Variants in ZNF578 observed in about 807,000 individuals in gnomAD.
ZNF578 encodes Putative chemokine-related protein B42.
A neutral mutation model predicts 8.3 loss-of-function variants in ZNF578; 8 were observed. That is an observed-to-expected ratio of 0.96 (90% CI 0.56 to 1.74). The LOEUF (loss-of-function observed/expected upper bound fraction) is 1.74. Among genes scored for constraint, ZNF578 ranks in the 40% most tolerant of loss-of-function variants. The probability of loss-of-function intolerance (pLI) is 0.00; values close to 1 mark genes in which losing one functional copy is unlikely to be tolerated. For missense variants in ZNF578, 726 were observed against 707.5 expected (o/e 1.03, Z -0.30); for synonymous variants, 206 against 232.2 (o/e 0.89, Z 1.03).
chr19:52,496,923 C>T (rs1417507674), intron 3 of ZNF578, among the ~76,000 whole-genome samples: 1 of 151,754 alleles, frequency 6.6e-6, no homozygotes. Flanking sequence ...AGGCATGAGC[C>T]GCCGCGCCCA....
intron 2 of ZNF578, among the ~76,000 whole-genome samples, chr19:52,488,272 C>T (rs1442439446): frequency 6.6e-6 from 1 of 151,678 alleles, no homozygotes; most frequent in Non-Finnish European, 1.5e-5. Flanking sequence ...TTAAAAGGGA[C>T]ATTAGGCTGC....
chr19:52,506,733 G>A (rs745959434), intron 5 of ZNF578, among the ~76,000 whole-genome samples: 10 of 152,062 alleles, frequency 6.6e-5, no homozygotes, highest in South Asian at 4.1e-4. Flanking sequence ...TATGCCTGGC[G>A]CAAGCCTGGC....
intron 2 of ZNF578, among the ~76,000 whole-genome samples, chr19:52,472,677 A>G (rs1453158373): frequency 6.6e-6 from 1 of 152,226 alleles, no homozygotes; most frequent in African/African-American, 2.4e-5. Flanking sequence ...GCATAGAAGC[A>G]CTAAGCCATT....
chr19:52,501,957 G>T, intron 4 of ZNF578, 49 bp downstream of exon 4: 1 of 1,599,724 alleles, frequency 6.3e-7, no homozygotes, highest in Non-Finnish European at 8.5e-7. Context: ...CCTTTCTGAA[G>T]TGTAGTAGTA....
At chr19:52,461,759 TG>T (rs1195137972) in intron 2 of ZNF578, among the ~76,000 whole-genome samples, 1 of 152,212 alleles carries the variant, frequency 6.6e-6, no homozygotes, top group African/African-American at 2.4e-5. Context: ...ATACACAAAT[TG>T]AAGTGTCTCA....
rs149384190 is a variant in ZNF578 at position 52,495,325 on chromosome 19, C to T, written c.-20+3900C>T. On this transcript the variant is annotated intron_variant, in intron 3 of 5. Coordinates refer to ENST00000421239, the MANE Select transcript of ZNF578 (RefSeq NM_001099694.2). ...GGGATTACAGGCATGCGCCACCATG[C>T]CCCGCTAATTTTGGATTAGGAGGCC... is the stretch of plus-strand genomic sequence containing the variant. 1.5e-4 allele frequency among the ~76,000 whole-genome samples: 21 copies of T among 144,738 alleles called. No individual in the cohort carries two copies. In the East Asian group the frequency reaches 3.9e-3, roughly 27 times the overall value. The allele number at this position is 144,738 out of a possible 152,430, so 95.0% of individuals were successfully genotyped here.
chr19:52,456,276 G>A (rs1312390616), intron 1 of ZNF578: 3 of 152,202 alleles, frequency 2.0e-5, no homozygotes, highest in Non-Finnish European at 4.4e-5. Context: ...GGAGACCAGA[G>A]CCAGAAGATA....
At chr19:52,498,684 CTTTTTTT>C (rs72019256) in intron 3 of ZNF578, among the ~76,000 whole-genome samples, 1 of 106,852 alleles carries the variant, frequency 9.4e-6, no homozygotes, top group African/African-American at 4.1e-5. Flanking sequence ...CGCCTGGCCG[CTTTTTTT>C]TTTTTTTTTT....
intron 4 of ZNF578, 75 bp from the exon 5 acceptor site, chr19:52,504,580 C>A (rs1352669026): frequency 1.2e-6 from 2 of 1,600,374 alleles, no homozygotes; most frequent in Admixed American, 1.8e-5. Flanking sequence ...TACTTATTTT[C>A]TCTTTTCTCA....
chr19:52,464,776 T>A (rs1479746926), intron 2 of ZNF578, among the ~76,000 whole-genome samples: 1 of 152,356 alleles, frequency 6.6e-6, no homozygotes. Context: ...GTTTAACATA[T>A]CCTGGGATAA....
chr19:52,500,106 T>A (rs1235349420), intron 3 of ZNF578, among the ~76,000 whole-genome samples: 1 of 152,160 alleles, frequency 6.6e-6, no homozygotes, highest in Non-Finnish European at 1.5e-5. Flanking sequence ...GATATCATCT[T>A]CTCCGGGTCT....
At chr19:52,491,669 C>A (rs1370563305) in intron 3 of ZNF578, among the ~76,000 whole-genome samples, 2 of 151,926 alleles carry the variant, frequency 1.3e-5, no homozygotes, top group African/African-American at 4.8e-5. Flanking sequence ...GAGCCACGAT[C>A]TCGCAACTGC....
intron 2 of ZNF578, among the ~76,000 whole-genome samples, chr19:52,472,597 T>C (rs1271561606): frequency 6.6e-6 from 1 of 152,192 alleles, no homozygotes; most frequent in African/African-American, 2.4e-5. Flanking sequence ...TAAGAACCCA[T>C]TACTCTTTTC....
At position 52,515,907 on chromosome 19, in the gene ZNF578, A is replaced by G. The variant is rs184275498; in HGVS notation, c.*3753A>G. 3.4e-3 allele frequency among the ~76,000 whole-genome samples: 524 copies of G among 152,202 alleles called. No homozygotes were observed. Among genetic ancestry groups the G allele is most frequent in the Non-Finnish European group, 5.8e-3 (397 of 68,012 alleles). On this transcript the variant is annotated 3_prime_UTR_variant, in exon 6 of 6. Transcript: ENST00000421239. ...ATCACAGCAAAATCTAAAGCAGGTC[A>G]CGTCAATCCCTGGCAGGGAACCCTC... is the stretch of plus-strand genomic sequence containing the variant.
Position 52,511,714 on chromosome 19 carries a change from C to T in ZNF578, c.1333C>T (p.His445Tyr). The change falls in exon 6 of 6, where the codon CAT (histidine) becomes TAT (tyrosine). Residue 445 changes from histidine (H) to tyrosine (Y), a missense_variant. Physicochemically the swap from His to Tyr is moderately conservative, Grantham distance 83. Transcript: ENST00000421239. ...TATTCATCAGTCAAGCCTTGCACGT[C>T]ATCATAGACTTCATACTGGAGAGAA... ...AFIHQSSLAR[H>Y]HRLHTGEKSY... 4 of 1,613,410 alleles carry T rather than the reference C, an allele frequency of 2.5e-6. No individual in the cohort carries two copies. The African/African-American group carries it at 4.0e-5, about 16-fold the overall frequency.
At chr19:52,475,645 C>G (rs944376521) in intron 2 of ZNF578, among the ~76,000 whole-genome samples, 1 of 152,222 alleles carries the variant, frequency 6.6e-6, no homozygotes, top group East Asian at 1.9e-4. Flanking sequence ...GCGTGAGCCA[C>G]CGCGCCTGGC....
rs577858020 is a variant in ZNF578, at chr19:52,512,232, A to G, written c.*78A>G. 1.4e-5 allele frequency: 22 copies of G among 1,599,408 alleles called. No individual in the cohort carries two copies. The African/African-American group carries it at 2.7e-4, about 20-fold the overall frequency. The stretch of plus-strand genomic sequence containing the variant: ...AGTCACAGATCACGCCTTAAAAGAC[A>G]TAGGAGAATTCATACTGGAGAGAAA... On this transcript the variant is annotated 3_prime_UTR_variant, in exon 6 of 6. Transcript: ENST00000421239.
intron 2 of ZNF578, among the ~76,000 whole-genome samples, chr19:52,464,220 G>A (rs1272981815): frequency 6.6e-6 from 1 of 152,140 alleles, no homozygotes; most frequent in Non-Finnish European, 1.5e-5. Context: ...GCAAAGTAGG[G>A]AAGACAATGA....
Position 52,474,054 on chromosome 19 carries a change from A to G in ZNF578, c.-122+17096A>G, listed in dbSNP as rs1045720571. On this transcript the variant is annotated intron_variant, in intron 2 of 5. Transcript: ENST00000421239. Reference sequence around the variant, plus strand: ...GCAATTTGATTGAAGACCTTGCCACATTCATTACATTTGTAAGGCCTCTCT... The same window carrying G: ...GCAATTTGATTGAAGACCTTGCCACGTTCATTACATTTGTAAGGCCTCTCT... The G allele has an allele frequency of 1.2e-5, 5 of 426,246 alleles. No individual in the cohort carries two copies. The East Asian group carries it at 1.9e-4, about 16-fold the overall frequency. The allele number at this position is 426,246 out of a possible 1,614,324, so 26.4% of individuals were successfully genotyped here. A position where few individuals can be genotyped will look rare whatever the true frequency, so the allele number is the denominator to read the frequency against.
Sources: allele counts gnomAD v4.1 joint callset (sites outside exome capture counted in the v4.1 genomes callset), GRCh38; gene constraint gnomAD v4.1.1; transcripts MANE v1.5; gene names NCBI Gene and HGNC (gene_info 2026-07-23, HGNC 2026-07-21).